Variants in HNF4G observed in about 807,000 individuals in gnomAD.
HNF4G encodes the protein hepatocyte nuclear factor 4 gamma.
In HNF4G, 21 loss-of-function variants were observed where a neutral mutation model predicts 50.9. That is an observed-to-expected ratio of 0.41 (90% CI 0.29 to 0.59). The LOEUF (loss-of-function observed/expected upper bound fraction) is 0.59, where lower values mean the gene tolerates loss of function less well. Among genes scored for constraint, HNF4G ranks in the 20% least tolerant of loss-of-function variants. The pLI is 0.26. For missense variants in HNF4G, 527 were observed against 559.4 expected (o/e 0.94, Z 0.58); for synonymous variants, 198 against 185.6 (o/e 1.07, Z -0.54).
chr8:75,419,413 T>C (rs570899711), intron 1 of HNF4G, among the ~76,000 whole-genome samples: 2 of 152,344 alleles, frequency 1.3e-5, no homozygotes, highest in Admixed American at 6.5e-5. Context: ...AACTGGGTAC[T>C]TCTCTTGAAT....
At chr8:75,562,116 C>T (rs1481287967) in intron 9 of HNF4G, among the ~76,000 whole-genome samples, 1 of 143,116 alleles carries the variant, frequency 7.0e-6, no homozygotes, top group East Asian at 2.0e-4. Flanking sequence ...TTACAATAGT[C>T]TTTAATAGCT....
At chr8:75,423,108 T>A (rs1400179104) in intron 1 of HNF4G, among the ~76,000 whole-genome samples, 1 of 152,174 alleles carries the variant, frequency 6.6e-6, no homozygotes, top group East Asian at 1.9e-4. Flanking sequence ...CTTGACCTCC[T>A]ATTCCATAAA....
At chr8:75,540,923 T>C (rs1247679674) in intron 1 of HNF4G, among the ~76,000 whole-genome samples, 1 of 151,736 alleles carries the variant, frequency 6.6e-6, no homozygotes, top group East Asian at 1.9e-4. Context: ...TGAGGATATC[T>C]TACTATTCTA....
chr8:75,541,464 A>G (rs922973303), intron 1 of HNF4G, among the ~76,000 whole-genome samples: 4 of 152,136 alleles, frequency 2.6e-5, no homozygotes, highest in Admixed American at 6.6e-5. Context: ...AAAAATGTTT[A>G]GCATTTTAAT....
At position 75,543,951 on chromosome 8, in the gene HNF4G, A is replaced by G; in HGVS notation, c.259A>G (p.Ile87Val). ...DGCKGFFRRS[I>V]RKSHVYSCRF... Reference sequence around the variant, plus strand: ...GTGCAAGGGTTTCTTCAGACGCAGCATTCGTAAGAGTCACGTTTATTCTTG... The same window carrying G: ...GTGCAAGGGTTTCTTCAGACGCAGCGTTCGTAAGAGTCACGTTTATTCTTG... Residue 87 changes from isoleucine to valine, a missense_variant, in exon 2 of 10, where the codon ATT (isoleucine) becomes GTT (valine). Physicochemically the swap from Ile to Val is conservative, Grantham distance 29. Coordinates refer to ENST00000396423, the MANE Select transcript of HNF4G (RefSeq NM_004133.5). 1 of 1,600,600 alleles carries G rather than the reference A, an allele frequency of 6.2e-7. No individual in the cohort carries two copies. The highest frequency in any genetic ancestry group is 1.3e-5 in the African/African-American group (1 of 74,662).
intron 1 of HNF4G, among the ~76,000 whole-genome samples, chr8:75,420,331 A>T (rs919538415): frequency 2.6e-5 from 4 of 152,232 alleles, no homozygotes; most frequent in African/African-American, 9.6e-5. Context: ...CATTCTTAAA[A>T]CTTAAATAAG....
chr8:75,410,194 A>T (rs1490672556), intron 1 of HNF4G, among the ~76,000 whole-genome samples: 3 of 152,160 alleles, frequency 2.0e-5, no homozygotes, highest in Non-Finnish European at 4.4e-5. Context: ...TTATCTTTGC[A>T]TGGGTACTGC....
chr8:75,483,596 T>A (rs1812431101), intron 1 of HNF4G, among the ~76,000 whole-genome samples: 1 of 152,128 alleles, frequency 6.6e-6, no homozygotes, highest in Admixed American at 6.6e-5. Context: ...TTTCTCATAT[T>A]TTTTCCTCCC....
Position 75,544,144 on chromosome 8 carries a change from A to G in HNF4G, c.287+165A>G, listed in dbSNP as rs116554610. 4.8e-3 allele frequency among the ~76,000 whole-genome samples: 729 copies of G among 152,354 alleles called. 3 individuals carry two copies. The highest frequency in any genetic ancestry group is 0.017 in the African/African-American group (696 of 41,580). On this transcript the variant is annotated intron_variant, in intron 2 of 9. Transcript: ENST00000396423. The stretch of plus-strand genomic sequence containing the variant: ...ACGTGTGGGTATGTACACAGGATGT[A>G]TTCACATAGGTGTTCTTTTTTATGA...
intron 1 of HNF4G, among the ~76,000 whole-genome samples, chr8:75,463,944 T>C (rs1488313977): frequency 6.6e-6 from 1 of 152,026 alleles, no homozygotes; most frequent in Non-Finnish European, 1.5e-5. Flanking sequence ...CCAGCTAATT[T>C]TGTATTTTTC....
At chr8:75,460,760 C>T (rs569478418) in intron 1 of HNF4G, among the ~76,000 whole-genome samples, 1 of 152,222 alleles carries the variant, frequency 6.6e-6, no homozygotes, top group South Asian at 2.1e-4. Context: ...AGGAGTGGAG[C>T]GAATGAGCTC....
At chr8:75,533,371 G>A (rs77486289) in intron 2 of HNF4G, among the ~76,000 whole-genome samples, 2 of 151,902 alleles carry the variant, frequency 1.3e-5, no homozygotes, top group Non-Finnish European at 2.9e-5. Context: ...GATTTAATTC[G>A]TGTCTGATGC....
chr8:75,545,373 AGGGAT>A (rs1254343783), intron 2 of HNF4G, among the ~76,000 whole-genome samples: 1 of 152,044 alleles, frequency 6.6e-6, no homozygotes, highest in Non-Finnish European at 1.5e-5. Flanking sequence ...AGAGTGGAAA[AGGGAT>A]GCTCTCAGAG....
chr8:75,420,901 G>T (rs989197273), intron 1 of HNF4G, among the ~76,000 whole-genome samples: 1 of 152,104 alleles, frequency 6.6e-6, no homozygotes, highest in Non-Finnish European at 1.5e-5. Context: ...ATTACATGAC[G>T]TAATTATTTT....
At position 75,519,181 on chromosome 8, in the gene HNF4G, A is replaced by G. The variant is rs58696123; in HGVS notation, c.-23-24630A>G. On this transcript the variant is annotated intron_variant, in intron 2 of 10. Coordinates refer to the HNF4G transcript ENST00000354370. ...AGTCTCTTTGCTAAAGCCTAACAAGAGTCACCTTTGCTCCAGTTCCCAACA... is the reference window on the plus strand; with the variant it reads ...AGTCTCTTTGCTAAAGCCTAACAAGGGTCACCTTTGCTCCAGTTCCCAACA... 5.1e-3 allele frequency among the ~76,000 whole-genome samples: 778 copies of G among 152,304 alleles called. 4 individuals carry two copies. The highest frequency in any genetic ancestry group is 0.018 in the African/African-American group (734 of 41,576).
At chr8:75,495,490 G>C (rs1812744081) in intron 2 of HNF4G, 1 of 150,502 alleles carries the variant, frequency 6.6e-6, no homozygotes, top group Admixed American at 6.6e-5. Flanking sequence ...TTTGGAACTT[G>C]TATGAGGCAA....
chr8:75,429,891 T>C (rs1180302394), intron 1 of HNF4G, among the ~76,000 whole-genome samples: 2 of 152,082 alleles, frequency 1.3e-5, no homozygotes, highest in Admixed American at 6.6e-5. Context: ...ACAGTATATG[T>C]ATATTTAAAA....
At chr8:75,443,961 G>C (rs1314268306) in intron 1 of HNF4G, among the ~76,000 whole-genome samples, 3 of 152,016 alleles carry the variant, frequency 2.0e-5, no homozygotes, top group Non-Finnish European at 2.9e-5. Context: ...ATACTGGTTT[G>C]AGAAATGAAG....
intron 1 of HNF4G, among the ~76,000 whole-genome samples, chr8:75,416,939 A>G (rs1178737511): frequency 2.0e-5 from 3 of 152,256 alleles, no homozygotes; most frequent in South Asian, 2.1e-4. Flanking sequence ...ATTGTGAGAC[A>G]TAAATAAGAT....
Sources: allele counts gnomAD v4.1 joint callset (sites outside exome capture counted in the v4.1 genomes callset), GRCh38; gene constraint gnomAD v4.1.1; transcripts MANE v1.5; gene names NCBI Gene and HGNC (gene_info 2026-07-23, HGNC 2026-07-21).